Variants in TPRG1 observed in about 807,000 individuals in gnomAD.
TPRG1 encodes tumor protein p63-regulated gene 1 protein.
Under a neutral mutation model 29.3 loss-of-function variants are expected in TPRG1, and 29 were observed. The observed-to-expected ratio is 0.99, with a 90% CI of 0.74 to 1.35. The LOEUF (loss-of-function observed/expected upper bound fraction) is 1.35, where lower values mean the gene tolerates loss of function less well. TPRG1 is among the 40% of genes most tolerant of loss of function. TPRG1 has a pLI of 0.00. For missense variants in TPRG1, 327 were observed against 335.0 expected, an observed-to-expected ratio of 0.98 and a Z score of 0.19; for synonymous variants, 130 against 116.8, an observed-to-expected ratio of 1.11 and a Z score of -0.73.
At position 189,271,456 on chromosome 3, in the gene TPRG1, G is replaced by A. The variant is rs1715115900; in HGVS notation, c.479+32547G>A. Among the ~76,000 whole-genome samples, 4 of 152,322 alleles carry A rather than the reference G, an allele frequency of 2.6e-5. No homozygotes were observed. The South Asian group carries it at 8.3e-4, about 32-fold the overall frequency. On this transcript the variant is annotated intron_variant, in intron 4 of 5. Transcript: ENST00000345063. ...GCCCACATGCACATAAAGGAACTGT[G>A]AATATGTTGTTTCTTTACTGAAGGC...
At chr3:189,052,914 G>A (rs1211254768) in intron 4 of TPRG1, among the ~76,000 whole-genome samples, 1 of 152,104 alleles carries the variant, frequency 6.6e-6, no homozygotes, top group African/African-American at 2.4e-5. Flanking sequence ...ATGATACAAT[G>A]GACTTTGGGG....
intron 3 of TPRG1, among the ~76,000 whole-genome samples, chr3:189,013,753 T>C (rs1288377089): frequency 2.0e-5 from 3 of 152,160 alleles, no homozygotes; most frequent in Non-Finnish European, 4.4e-5. Flanking sequence ...GCTACATATA[T>C]ATGAACCCTC....
chr3:189,231,745 C>T (rs749216191), intron 3 of TPRG1, among the ~76,000 whole-genome samples: 49 of 152,150 alleles, frequency 3.2e-4, no homozygotes, highest in Non-Finnish European at 5.6e-4. Flanking sequence ...CGTCACTGCT[C>T]AGGAATCTTG....
chr3:189,187,196 C>T (rs1447460655), intron 1 of TPRG1, among the ~76,000 whole-genome samples: 2 of 152,008 alleles, frequency 1.3e-5, no homozygotes, highest in African/African-American at 4.8e-5. Context: ...CCATGTTGCC[C>T]AGGCTGGTCT....
At chr3:189,271,373 T>C (rs939943678) in intron 4 of TPRG1, among the ~76,000 whole-genome samples, 2 of 152,222 alleles carry the variant, frequency 1.3e-5, no homozygotes, top group African/African-American at 4.8e-5. Context: ...TGATGATGCC[T>C]GTCTCATCTG....
chr3:189,112,898 T>A (rs564766495), intron 1 of TPRG1, among the ~76,000 whole-genome samples: 55 of 152,202 alleles, frequency 3.6e-4, no homozygotes, highest in Non-Finnish European at 6.2e-4. Flanking sequence ...AGTAGTTTTT[T>A]CCAAATCTAT....
chr3:189,287,852 G>A (rs538456778), intron 4 of TPRG1, among the ~76,000 whole-genome samples: 1 of 152,174 alleles, frequency 6.6e-6, no homozygotes, highest in East Asian at 1.9e-4. Flanking sequence ...CAATTTTAAG[G>A]TGTGATTTTT....
intron 1 of TPRG1, among the ~76,000 whole-genome samples, chr3:189,193,394 A>G (rs571843900): frequency 6.6e-6 from 1 of 152,104 alleles, no homozygotes; most frequent in East Asian, 1.9e-4. Context: ...TCACAGAGAA[A>G]CTTTTGGGTT....
At chr3:189,030,756 T>C (rs149888142) in intron 4 of TPRG1, among the ~76,000 whole-genome samples, 349 of 152,254 alleles carry the variant, frequency 2.3e-3, no homozygotes, top group Non-Finnish European at 4.2e-3. Flanking sequence ...GATCACCATA[T>C]GTCATGCTTC....
At chr3:189,061,633 G>A (rs1716110721) in intron 4 of TPRG1, among the ~76,000 whole-genome samples, 1 of 151,812 alleles carries the variant, frequency 6.6e-6, no homozygotes, top group South Asian at 2.1e-4. Context: ...CAAAATACAT[G>A]AACAGACACT....
intron 4 of TPRG1, among the ~76,000 whole-genome samples, chr3:189,079,845 T>C (rs1717467801): frequency 6.6e-6 from 1 of 152,224 alleles, no homozygotes; most frequent in African/African-American, 2.4e-5. Context: ...AGTAAGCATT[T>C]TCCGAGGCAT....
In TPRG1 at chr3:189,059,065, G is replaced by C. The variant is rs576631994; in HGVS notation, c.-463+35119G>C. On this transcript the variant is annotated intron_variant, in intron 4 of 10. Transcript: ENST00000433971. Reference sequence around the variant, plus strand: ...GAGTAGTAGCAGTTCTGGCTCCGTTGCTTGCTAGTTCTGTGATATTGGGCA... The same window carrying C: ...GAGTAGTAGCAGTTCTGGCTCCGTTCCTTGCTAGTTCTGTGATATTGGGCA... Among the ~76,000 whole-genome samples the C allele has an allele frequency of 2.0e-5, 3 of 152,204 alleles. No homozygotes were observed. In the South Asian group the frequency reaches 6.2e-4, roughly 32 times the overall value.
Position 189,220,631 on chromosome 3 carries a change from T to G in TPRG1, c.302+5248T>G, listed in dbSNP as rs1308735822. Among the ~76,000 whole-genome samples, 4 of 152,158 alleles carry G rather than the reference T, an allele frequency of 2.6e-5. No homozygotes were observed. In the East Asian group the frequency reaches 7.7e-4, roughly 29 times the overall value. On this transcript the variant is annotated intron_variant, in intron 3 of 5. Transcript: ENST00000345063. The stretch of plus-strand genomic sequence containing the variant: ...GGCCCCAGTGTGTGTTGTTCCCCTC[T>G]ATGTGTCCATGTGTTCTCATCATTT...
At chr3:189,305,408 C>T (rs1448592850) in intron 4 of TPRG1, among the ~76,000 whole-genome samples, 1 of 152,188 alleles carries the variant, frequency 6.6e-6, no homozygotes, top group Non-Finnish European at 1.5e-5. Flanking sequence ...AATGTGTTTC[C>T]TTCTTCCAAC....
upstream of TPRG1, among the ~76,000 whole-genome samples, chr3:189,168,314 A>T (rs1213610016): frequency 6.6e-6 from 1 of 152,226 alleles, no homozygotes; most frequent in Non-Finnish European, 1.5e-5. Flanking sequence ...TAGAGAGAGA[A>T]AAAAAGATGC....
intron 2 of TPRG1, chr3:189,212,121 T>C (rs1735362053): frequency 6.6e-6 from 1 of 152,196 alleles, no homozygotes; most frequent in Admixed American, 6.5e-5. Context: ...TATTTGCAGA[T>C]ACCTTATCAG....
At chr3:189,000,449 A>G (rs2152121260) in intron 1 of TPRG1, among the ~76,000 whole-genome samples, 1 of 152,088 alleles carries the variant, frequency 6.6e-6, no homozygotes, top group South Asian at 2.1e-4. Context: ...CATATCCTTT[A>G]TTTACTCTTG....
intron 4 of TPRG1, among the ~76,000 whole-genome samples, chr3:189,046,268 G>A (rs1404865544): frequency 1.3e-5 from 2 of 152,152 alleles, no homozygotes; most frequent in African/African-American, 4.8e-5. Context: ...CTCTGTTGGT[G>A]GACAGAGATT....
intron 4 of TPRG1, among the ~76,000 whole-genome samples, chr3:189,272,682 C>CCTTTCTTT (rs58830987): frequency 0.016 from 2,169 of 139,456 alleles, 28 homozygotes; most frequent in African/African-American, 0.025. Context: ...TCCTTTCTTT[C>CCTTTCTTT]CTTTCTTTCT....
Sources: gnomAD v4.1 joint callset for allele counts (sites outside exome capture counted in the v4.1 genomes callset) on GRCh38, gnomAD v4.1.1 for gene constraint, MANE v1.5 for transcripts, NCBI Gene and HGNC (gene_info 2026-07-23, HGNC 2026-07-21) for gene names.